The following DGKG variants were observed in gnomAD, a reference collection of about 807,000 sequenced individuals.
The protein encoded by DGKG is DAG kinase gamma.
Under a neutral mutation model 105.3 loss-of-function variants are expected in DGKG, and 78 were observed. The ratio of observed to expected loss-of-function variants is 0.74; its 90% CI spans 0.62 to 0.89. The LOEUF is 0.89. DGKG is among the 40% of genes least tolerant of loss of function. The pLI, the probability that DGKG is intolerant of heterozygous loss-of-function variation, is 0.00. For synonymous variants in DGKG, 346 were observed against 367.1 expected (o/e 0.94, Z 0.66); for missense variants, 958 against 1,020.1 (o/e 0.94, Z 0.83).
chr3:186,208,023 T>A (rs894708215), intron 21 of DGKG, among the ~76,000 whole-genome samples: 1 of 152,146 alleles, frequency 6.6e-6, no homozygotes, highest in Non-Finnish European at 1.5e-5. Context: ...ATCGCCTGAA[T>A]GGCTTTTTTT....
intron 20 of DGKG, among the ~76,000 whole-genome samples, chr3:186,238,110 T>C (rs929154780): frequency 8.6e-5 from 13 of 151,880 alleles, no homozygotes; most frequent in African/African-American, 2.9e-4. Flanking sequence ...CTTGCTGACA[T>C]GGTGAAACCC....
At position 186,276,235 on chromosome 3, in the gene DGKG, A is replaced by G. The variant is rs188861743; in HGVS notation, c.793-571T>C. On this transcript the variant is annotated intron_variant, in intron 9 of 24. Transcript: ENST00000265022. ...CCGTCTGATGTAATGTTAGGTGGCA[A>G]TCAAAAAGATATTTATAAGACTATC... Among the ~76,000 whole-genome samples the G allele has an allele frequency of 7.2e-5, 11 of 152,354 alleles. No individual in the cohort carries two copies. The East Asian group carries it at 1.9e-3, about 27-fold the overall frequency.
chr3:186,255,399 G>A (rs774987657), intron 17 of DGKG, among the ~76,000 whole-genome samples: 25 of 152,244 alleles, frequency 1.6e-4, no homozygotes, highest in Admixed American at 2.0e-4. Flanking sequence ...GAGCACTGTC[G>A]TATAAGAAGG....
intron 1 of DGKG, among the ~76,000 whole-genome samples, chr3:186,358,098 A>G (rs1257408280): frequency 1.3e-5 from 2 of 152,250 alleles, no homozygotes; most frequent in South Asian, 4.1e-4. Flanking sequence ...CACGTAAAGC[A>G]TCCAGTACAG....
Position 186,260,018 on chromosome 3 carries a change from C to G in DGKG, c.1424+421G>C, listed in dbSNP as rs4589921. ...CACAACGGAACACCAAGGCAGAACT[C>G]TGAGTCACTGTCTAGATTTCCAAAC... On this transcript the variant is annotated intron_variant, in intron 16 of 24. Coordinates refer to ENST00000265022, the MANE Select transcript of DGKG (RefSeq NM_001346.3). Among the ~76,000 whole-genome samples, 592 of 152,302 alleles carry G rather than the reference C, an allele frequency of 3.9e-3. 5 individuals are homozygous for G. The highest frequency in any genetic ancestry group is 0.014 in the African/African-American group (561 of 41,544).
At chr3:186,169,024 T>C (rs1373259242) in intron 22 of DGKG, among the ~76,000 whole-genome samples, 1 of 152,222 alleles carries the variant, frequency 6.6e-6, no homozygotes, top group Non-Finnish European at 1.5e-5. Context: ...ATCATGAAAA[T>C]CACTGATAGA....
chr3:186,331,900 G>A (rs1386310747), intron 1 of DGKG, among the ~76,000 whole-genome samples: 4 of 152,228 alleles, frequency 2.6e-5, no homozygotes. Context: ...CAAACCCTGT[G>A]AGGAACGTAT....
chr3:186,324,841 T>C (rs767593014), intron 1 of DGKG, among the ~76,000 whole-genome samples: 34 of 152,234 alleles, frequency 2.2e-4, no homozygotes, highest in Non-Finnish European at 2.9e-4. Flanking sequence ...TTACTGGGTA[T>C]ACATCCAAAG....
chr3:186,227,961 A>C (rs1719934468), intron 20 of DGKG, among the ~76,000 whole-genome samples: 2 of 152,220 alleles, frequency 1.3e-5, no homozygotes, highest in African/African-American at 4.8e-5. Flanking sequence ...TGAAGTTTTA[A>C]TTAGTAAAGT....
At chr3:186,321,265 C>T (rs1725062732) in intron 1 of DGKG, among the ~76,000 whole-genome samples, 1 of 152,132 alleles carries the variant, frequency 6.6e-6, no homozygotes, top group South Asian at 2.1e-4. Context: ...AGCATCTTTT[C>T]CTTTGAGCCT....
At chr3:186,181,897 G>T (rs1717374487) in intron 22 of DGKG, among the ~76,000 whole-genome samples, 2 of 152,266 alleles carry the variant, frequency 1.3e-5, no homozygotes, top group African/African-American at 4.8e-5. Flanking sequence ...CTGAAGGCTG[G>T]ATAGGAGCAG....
At chr3:186,274,562 A>G (rs1371567306) in intron 10 of DGKG, among the ~76,000 whole-genome samples, 2 of 108,852 alleles carry the variant, frequency 1.8e-5, no homozygotes, top group African/African-American at 3.6e-5. Flanking sequence ...GACAGGCCCC[A>G]GTGTGTGATG....
intron 1 of DGKG, among the ~76,000 whole-genome samples, chr3:186,353,529 GTA>G (rs1726736539): frequency 1.4e-5 from 2 of 142,334 alleles, no homozygotes; most frequent in Non-Finnish European, 3.1e-5. Context: ...AAAAAAAAAA[GTA>G]TATATACACA....
intron 3 of DGKG, among the ~76,000 whole-genome samples, chr3:186,299,735 C>T (rs891146597): frequency 1.3e-5 from 2 of 151,868 alleles, no homozygotes; most frequent in African/African-American, 4.8e-5. Context: ...AAAATCTTTT[C>T]TTCCTCCTCT....
rs144168059 is a variant in DGKG at position 186,180,195 on chromosome 3, G to T, written c.2095+8007C>A. On this transcript the variant is annotated intron_variant, in intron 22 of 24. Coordinates refer to ENST00000265022, the MANE Select transcript of DGKG (RefSeq NM_001346.3). ...GGGCAACAGGTGAGACATCAATAAGGCAGGGAACATGGGTACGGGGAGGAG... is the reference window on the plus strand; with the variant it reads ...GGGCAACAGGTGAGACATCAATAAGTCAGGGAACATGGGTACGGGGAGGAG... 2.6e-5 allele frequency among the ~76,000 whole-genome samples: 4 copies of T among 152,248 alleles called. No individual in the cohort carries two copies. In the East Asian group the frequency reaches 7.7e-4, roughly 29 times the overall value.
chr3:186,322,341 A>C (rs1418202890), intron 1 of DGKG, among the ~76,000 whole-genome samples: 1 of 152,190 alleles, frequency 6.6e-6, no homozygotes, highest in Non-Finnish European at 1.5e-5. Context: ...ATCCAGATAC[A>C]GCACATCTTC....
rs779812167 is a variant in DGKG, at chr3:186,210,166, C to G, written c.1917+1629G>C. ...GAGCTGAGTTGCTGTATTCTGGGCACAATTTCAAGGCCAGCTGCAGGGAGA... is the reference window on the plus strand; with the variant it reads ...GAGCTGAGTTGCTGTATTCTGGGCAGAATTTCAAGGCCAGCTGCAGGGAGA... On this transcript the variant is annotated intron_variant, in intron 21 of 24. Coordinates refer to ENST00000265022, the MANE Select transcript of DGKG (RefSeq NM_001346.3). The surrounding 1 kb of genome is among the most constrained non-coding windows in gnomAD (Gnocchi z 5.2). Among the ~76,000 whole-genome samples the G allele has an allele frequency of 4.1e-4, 62 of 152,168 alleles. No individual in the cohort carries two copies. The highest frequency in any genetic ancestry group is 8.1e-4 in the Non-Finnish European group (55 of 68,032).
chr3:186,275,820 G>T (rs1029246130), intron 9 of DGKG, among the ~76,000 whole-genome samples, 156 bp from the exon 10 acceptor site: 14 of 152,168 alleles, frequency 9.2e-5, no homozygotes, highest in African/African-American at 2.7e-4. Context: ...CAAAATTTTT[G>T]TGTGTGTGTT....
At chr3:186,152,120 G>A (rs1383719828) in intron 24 of DGKG, among the ~76,000 whole-genome samples, 1 of 152,042 alleles carries the variant, frequency 6.6e-6, no homozygotes, top group Non-Finnish European at 1.5e-5. Flanking sequence ...GAAATGGAAG[G>A]GAAGGATAGA....
Sources: gnomAD v4.1 joint callset for allele counts (sites outside exome capture counted in the v4.1 genomes callset) on GRCh38, gnomAD v4.1.1 for gene constraint, Gnocchi (gnomAD v3.1) non-coding constraint, MANE v1.5 for transcripts, NCBI Gene and HGNC (gene_info 2026-07-23, HGNC 2026-07-21) for gene names.